POLA2: variants seen among roughly 807,000 people sequenced by gnomAD.
POLA2 encodes the protein DNA polymerase alpha 2, accessory subunit, also known as DNA polymerase alpha subunit B.
Under a neutral mutation model 82.8 loss-of-function variants are expected in POLA2, and 47 were observed. That is an observed-to-expected ratio of 0.57 (90% CI 0.45 to 0.72). The LOEUF (loss-of-function observed/expected upper bound fraction) is 0.72. Ranked by LOEUF, POLA2 falls within the 30% of genes least tolerant of loss-of-function variation. The pLI, the probability that POLA2 is intolerant of heterozygous loss-of-function variation, is 0.00. For synonymous variants in POLA2, 287 were observed against 286.8 expected (o/e 1.00, Z -0.01); for missense variants, 634 against 728.1 (o/e 0.87, Z 1.49).
In POLA2 at chr11:65,289,858, T is replaced by C. The variant is rs1245847111; in HGVS notation, c.1230T>C (p.Ile410=). The C allele has an allele frequency of 6.2e-7, 1 of 1,605,884 alleles. No homozygotes were observed. Among genetic ancestry groups the C allele is most frequent in the South Asian group, 1.1e-5 (1 of 90,876 alleles). ...TCAAGCAGTGTCTACGAACAATTAT[T>C]GAAGGCACAAGAAGGTCAGATTTCA... ...DIFKQCLRTI[I]EGTRSSGSHL... The change falls in exon 13 of 18, where the codon ATT becomes ATC. Residue 410 remains isoleucine, a synonymous_variant. Coordinates refer to ENST00000265465, the MANE Select transcript of POLA2 (RefSeq NM_002689.4).
intron 4 of POLA2, 41 bp downstream of exon 4, chr11:65,268,770 A>C: frequency 7.8e-7 from 1 of 1,286,878 alleles, no homozygotes; most frequent in Non-Finnish European, 1.1e-6. Flanking sequence ...TACAAGTAAC[A>C]TTTTAAAATA....
chr11:65,265,240 G>C (rs114778641), intron 1 of POLA2, among the ~76,000 whole-genome samples: 1 of 151,090 alleles, frequency 6.6e-6, no homozygotes, highest in Non-Finnish European at 1.5e-5. Context: ...AAAAAAAAAG[G>C]GGGGGGGCCT....
chr11:65,297,135 G>A lies in POLA2; in HGVS notation c.1663G>A (p.Val555Ile). The A allele has an allele frequency of 1.9e-6, 3 of 1,614,064 alleles. No individual in the cohort carries two copies. Among genetic ancestry groups the A allele is most frequent in the Non-Finnish European group, 2.5e-6 (3 of 1,179,996 alleles). Residue 555 changes from valine to isoleucine, a missense_variant, in exon 18 of 18, where the codon GTC becomes ATC. By Grantham distance (29) the Val-to-Ile change is conservative (BLOSUM62 3). Coordinates refer to ENST00000265465, the MANE Select transcript of POLA2 (RefSeq NM_002689.4). ...TCCTCCCCAGGATGTCCTCGGCTGT[G>A]TCTGTGTGAACCCTGGGCGCCTTAC... ...RYFVKDVLGC[V>I]CVNPGRLTKG...
At position 65,289,138 on chromosome 11, in the gene POLA2, G is replaced by A. The variant is rs184716699; in HGVS notation, c.1170+50G>A. ...GTCCTGGGTACTTGAATCCAGTCAGGCTCTCACTTTTCATTTTTTAGTGTT... is the reference window on the plus strand; with the variant it reads ...GTCCTGGGTACTTGAATCCAGTCAGACTCTCACTTTTCATTTTTTAGTGTT... On this transcript the variant is annotated intron_variant, in intron 12 of 17. Transcript: ENST00000265465. The A allele has an allele frequency of 3.9e-4, 570 of 1,457,162 alleles. 2 individuals are homozygous for A. The African/African-American group carries it at 7.5e-3, about 19-fold the overall frequency. The allele number at this position is 1,457,162 out of a possible 1,614,324, so 90.3% of individuals were successfully genotyped here. A position where few individuals can be genotyped will look rare whatever the true frequency, so the allele number is the denominator to read the frequency against.
chr11:65,290,137 A>G (rs533388588), intron 13 of POLA2, among the ~76,000 whole-genome samples: 2 of 151,750 alleles, frequency 1.3e-5, no homozygotes, highest in Admixed American at 1.3e-4. Context: ...AATCCCAGCT[A>G]CTTGGGAGGC....
At chr11:65,275,339 CT>C (rs1949565296) in intron 4 of POLA2, among the ~76,000 whole-genome samples, 2 of 129,892 alleles carry the variant, frequency 1.5e-5, no homozygotes, top group Non-Finnish European at 3.2e-5. Flanking sequence ...CCGTTCTGGG[CT>C]TATCTTTGGA....
chr11:65,264,166 C>T (rs568351055), intron 1 of POLA2, among the ~76,000 whole-genome samples: 1 of 152,268 alleles, frequency 6.6e-6, no homozygotes, highest in South Asian at 2.1e-4. Flanking sequence ...CTCCCGAGTT[C>T]AAGCGGTTCT....
chr11:65,266,298 C>T (rs1399624594), intron 1 of POLA2, among the ~76,000 whole-genome samples: 1 of 152,192 alleles, frequency 6.6e-6, no homozygotes, highest in Non-Finnish European at 1.5e-5. Context: ...TCGCCATCTC[C>T]ACTGCCACCA....
intron 10 of POLA2, 27 bp downstream of exon 10, chr11:65,282,548 G>T: frequency 6.3e-7 from 1 of 1,594,156 alleles, no homozygotes; most frequent in Non-Finnish European, 8.6e-7. Context: ...ATATTGTTTT[G>T]CCAACAATGA....
chr11:65,281,237 C>T (rs1359207095), intron 8 of POLA2, 90 bp downstream of exon 8: 6 of 1,335,974 alleles, frequency 4.5e-6, no homozygotes, highest in African/African-American at 1.4e-5. Flanking sequence ...TCCTCAGTTC[C>T]TGTCTCTGCT....
intron 10 of POLA2, among the ~76,000 whole-genome samples, chr11:65,285,903 G>A (rs1210149380): frequency 6.6e-6 from 1 of 152,128 alleles, no homozygotes; most frequent in African/African-American, 2.4e-5. Flanking sequence ...ACCACCACAT[G>A]AAACCTGCTC....
intron 4 of POLA2, among the ~76,000 whole-genome samples, chr11:65,269,826 T>C (rs931181876): frequency 6.6e-6 from 1 of 152,182 alleles, no homozygotes; most frequent in Non-Finnish European, 1.5e-5. Flanking sequence ...GTAATTATTC[T>C]TTTTTGTTGT....
intron 15 of POLA2, among the ~76,000 whole-genome samples, chr11:65,295,011 TA>T (rs1949794934): frequency 2.0e-5 from 3 of 152,342 alleles, no homozygotes; most frequent in African/African-American, 7.2e-5. Context: ...TTGTGGAGGA[TA>T]AACTGGGAAT....
intron 4 of POLA2, among the ~76,000 whole-genome samples, chr11:65,273,926 T>A (rs894174524): frequency 1.3e-5 from 2 of 152,344 alleles, no homozygotes; most frequent in Non-Finnish European, 1.5e-5. Context: ...AGCATTTTTT[T>A]AATTTAAAAT....
exon 9 of POLA2, chr11:65,305,512 A>G: frequency 2.4e-6 from 1 of 413,142 alleles, no homozygotes; most frequent in Non-Finnish European, 4.8e-6. Flanking sequence ...CAGAGCTGAC[A>G]AAATGACCAC....
At chr11:65,295,734 G>A in intron 16 of POLA2, 130 bp from the exon 17 acceptor site, 1 of 1,319,704 alleles carries the variant, frequency 7.6e-7, no homozygotes, top group Non-Finnish European at 1.1e-6. Context: ...CCTGCATTCT[G>A]CCCCACACAC....
chr11:65,284,756 A>T (rs936339150), intron 10 of POLA2, among the ~76,000 whole-genome samples: 4 of 151,766 alleles, frequency 2.6e-5, no homozygotes, highest in African/African-American at 9.7e-5. Context: ...CAAACTCCCA[A>T]CCTCAGGTGA....
intron 13 of POLA2, among the ~76,000 whole-genome samples, chr11:65,292,936 C>G (rs1227752818): frequency 6.6e-6 from 1 of 152,162 alleles, no homozygotes; most frequent in Non-Finnish European, 1.5e-5. Context: ...CCAAGGTCAT[C>G]TTAAGGGAAC....
chr11:65,267,790 C>T (rs1051256557), intron 3 of POLA2, among the ~76,000 whole-genome samples: 37 of 150,292 alleles, frequency 2.5e-4, no homozygotes, highest in Admixed American at 1.4e-3. Flanking sequence ...ATCAAAAGTA[C>T]AAATTTTTTT....
Sources: gnomAD v4.1 joint callset for allele counts (sites outside exome capture counted in the v4.1 genomes callset) on GRCh38, gnomAD v4.1.1 for gene constraint, MANE v1.5 for transcripts, NCBI Gene and HGNC (gene_info 2026-07-23, HGNC 2026-07-21) for gene names.